Variants in PCDH15 observed in about 807,000 individuals in gnomAD.
The protein encoded by PCDH15 is protocadherin related 15, also known as protocadherin-15.
Under a neutral mutation model 178.5 loss-of-function variants are expected in PCDH15, and 129 were observed. The observed-to-expected ratio is 0.72, with a 90% confidence interval of 0.63 to 0.84. The LOEUF is 0.84. Ranked by LOEUF, PCDH15 falls within the 40% of genes least tolerant of loss-of-function variation. The pLI, the probability that PCDH15 is intolerant of heterozygous loss-of-function variation, is 0.00. For missense variants in PCDH15, 2,230 were observed against 2,099.9 expected, an observed-to-expected ratio of 1.06 and a Z score of -1.21; for synonymous variants, 800 against 732.0, an observed-to-expected ratio of 1.09 and a Z score of -1.50.
At chr10:54,765,632 C>T (rs765097322) in intron 1 of PCDH15, among the ~76,000 whole-genome samples, 7 of 152,002 alleles carry the variant, frequency 4.6e-5, no homozygotes, top group Non-Finnish European at 7.4e-5. Context: ...ACCTAATGAC[C>T]TTCTACAATG....
intron 26 of PCDH15, among the ~76,000 whole-genome samples, chr10:53,892,693 GT>G: frequency 1.3e-5 from 2 of 152,192 alleles, no homozygotes; most frequent in Admixed American, 6.5e-5. Flanking sequence ...AACTGGTAAT[GT>G]TTTTTATGGT....
chr10:54,441,839 CG>C (rs760846058), intron 3 of PCDH15, among the ~76,000 whole-genome samples: 2 of 151,576 alleles, frequency 1.3e-5, no homozygotes, highest in Non-Finnish European at 2.9e-5. Flanking sequence ...AGGGAAAGGC[CG>C]GGGGACCTAG....
intron 1 of PCDH15, among the ~76,000 whole-genome samples, chr10:54,796,366 A>T (rs973979299): frequency 6.6e-6 from 1 of 150,610 alleles, no homozygotes; most frequent in African/African-American, 2.4e-5. Context: ...CCTTCCTATT[A>T]TCTGTATGTA....
intron 2 of PCDH15, among the ~76,000 whole-genome samples, chr10:55,489,051 A>C (rs1330832540): frequency 6.6e-6 from 1 of 151,532 alleles, no homozygotes; most frequent in African/African-American, 2.4e-5. Flanking sequence ...TTTAATTATA[A>C]AAAATTATTT....
intron 2 of PCDH15, among the ~76,000 whole-genome samples, chr10:55,092,471 T>G (rs1387335709): frequency 6.6e-6 from 1 of 151,892 alleles, no homozygotes; most frequent in Non-Finnish European, 1.5e-5. Flanking sequence ...AATTATGAAT[T>G]CTAAACCAAG....
intron 8 of PCDH15, among the ~76,000 whole-genome samples, chr10:54,285,581 G>C (rs1427513824): frequency 6.6e-6 from 1 of 152,056 alleles, no homozygotes; most frequent in Non-Finnish European, 1.5e-5. Flanking sequence ...AATAATGGCG[G>C]GGATGTAGGA....
chr10:54,445,442 G>A (rs1381977853), intron 3 of PCDH15, among the ~76,000 whole-genome samples: 2 of 151,350 alleles, frequency 1.3e-5, no homozygotes, highest in Admixed American at 6.6e-5. Context: ...TGTACACAAC[G>A]CAAGAGCTTT....
intron 2 of PCDH15, among the ~76,000 whole-genome samples, chr10:55,570,091 T>A (rs1317362490): frequency 6.6e-6 from 1 of 151,988 alleles, no homozygotes; most frequent in African/African-American, 2.4e-5. Context: ...TCTTAAATTC[T>A]TACAGTTAGT....
intron 2 of PCDH15, among the ~76,000 whole-genome samples, chr10:54,951,601 T>A (rs1159498497): frequency 6.6e-6 from 1 of 151,904 alleles, no homozygotes; most frequent in Non-Finnish European, 1.5e-5. Context: ...CTGAATAATA[T>A]GGTAAGAGTG....
At chr10:53,888,284 A>ATATATATATATATG (rs2081244319) in intron 26 of PCDH15, among the ~76,000 whole-genome samples, 1 of 37,424 alleles carries the variant, frequency 2.7e-5, no homozygotes, top group Non-Finnish European at 4.2e-5. Context: ...TTCCAACACT[A>ATATATATATATATG]TATATACATA....
chr10:55,102,463 T>C (rs1466545437), intron 2 of PCDH15, among the ~76,000 whole-genome samples: 1 of 152,132 alleles, frequency 6.6e-6, no homozygotes, highest in East Asian at 1.9e-4. Context: ...ATTTAATTTA[T>C]AAATTAGGCA....
At chr10:54,691,686 C>T (rs991418066) in intron 1 of PCDH15, among the ~76,000 whole-genome samples, 10 of 151,984 alleles carry the variant, frequency 6.6e-5, no homozygotes, top group African/African-American at 2.2e-4. Flanking sequence ...ATGTGTCCAT[C>T]ATCCTCCAAG....
intron 3 of PCDH15, among the ~76,000 whole-genome samples, chr10:54,511,339 C>T (rs1173676367): frequency 9.9e-5 from 15 of 152,028 alleles, no homozygotes. Flanking sequence ...TCTAATTTGG[C>T]TTCATGGATA....
At chr10:54,842,472 G>A (rs1953436938) in intron 3 of PCDH15, among the ~76,000 whole-genome samples, 1 of 151,830 alleles carries the variant, frequency 6.6e-6, no homozygotes, top group South Asian at 2.1e-4. Context: ...AACTCAGGAG[G>A]AAACCTTGTC....
chr10:54,309,567 G>A (rs573320246), intron 8 of PCDH15, among the ~76,000 whole-genome samples: 2 of 152,112 alleles, frequency 1.3e-5, no homozygotes, highest in Admixed American at 1.3e-4. Flanking sequence ...GCCAAGGCAG[G>A]TAGATCATCT....
At chr10:54,930,511 C>T (rs1034728813) in intron 2 of PCDH15, among the ~76,000 whole-genome samples, 4 of 152,120 alleles carry the variant, frequency 2.6e-5, no homozygotes, top group Admixed American at 6.6e-5. Context: ...CCCCAGACAA[C>T]GATGCTGCTT....
intron 1 of PCDH15, among the ~76,000 whole-genome samples, chr10:54,734,116 T>C (rs750912746): frequency 4.0e-5 from 6 of 151,654 alleles, no homozygotes; most frequent in African/African-American, 4.8e-5. Context: ...AAAAAACATA[T>C]TTAAAAAGTG....
At chr10:53,975,928 T>C (rs1483801920) in intron 21 of PCDH15, among the ~76,000 whole-genome samples, 2 of 152,206 alleles carry the variant, frequency 1.3e-5, no homozygotes, top group African/African-American at 4.8e-5. Context: ...AATTTATTCA[T>C]ATCAAAAAAA....
intron 10 of PCDH15, among the ~76,000 whole-genome samples, chr10:54,202,044 G>T (rs115907291): frequency 5.9e-5 from 9 of 151,992 alleles, no homozygotes; most frequent in Non-Finnish European, 1.3e-4. Flanking sequence ...ATGCAAAAAG[G>T]CCTATTTATA....
Sources: allele counts gnomAD v4.1 joint callset (sites outside exome capture counted in the v4.1 genomes callset), GRCh38; gene constraint gnomAD v4.1.1; transcripts MANE v1.5; gene names NCBI Gene and HGNC (gene_info 2026-07-23, HGNC 2026-07-21).